The following MYO5B variants were observed in gnomAD, a reference collection of about 807,000 sequenced individuals.
MYO5B encodes the protein myosin VB, also known as unconventional myosin-Vb.
MYO5B carries 143 observed loss-of-function variants against 229.3 expected under a neutral mutation model. The observed-to-expected ratio is 0.62, with a 90% CI of 0.54 to 0.72. The LOEUF (loss-of-function observed/expected upper bound fraction) is 0.72. Among genes scored for constraint, MYO5B ranks in the 30% least tolerant of loss-of-function variants. MYO5B has a pLI of 0.00. For missense variants in MYO5B, 2,321 were observed against 2,331.0 expected (o/e 1.00, Z 0.09); for synonymous variants, 918 against 885.2 (o/e 1.04, Z -0.66).
chr18:50,095,628 A>G (rs2031535710), intron 1 of MYO5B, among the ~76,000 whole-genome samples: 1 of 152,226 alleles, frequency 6.6e-6, no homozygotes, highest in Non-Finnish European at 1.5e-5. Context: ...AGCATGTGTG[A>G]GCCTAGCTGT....
At chr18:50,087,779 T>C (rs11876777) in intron 1 of MYO5B, among the ~76,000 whole-genome samples, 5,753 of 152,002 alleles carry the variant, frequency 0.038, 360 homozygotes, top group African/African-American at 0.13. Context: ...CCAGTTTTGA[T>C]TGATGAGGCA....
intron 2 of MYO5B, among the ~76,000 whole-genome samples, chr18:50,050,096 AC>A (rs1267856224): frequency 6.6e-6 from 1 of 152,224 alleles, no homozygotes; most frequent in Non-Finnish European, 1.5e-5. Context: ...TTGTGTGTGT[AC>A]AATATAACCA....
intron 1 of MYO5B, among the ~76,000 whole-genome samples, chr18:50,185,534 T>C (rs1249357280): frequency 1.3e-5 from 2 of 152,222 alleles, no homozygotes; most frequent in Admixed American, 1.3e-4. Context: ...GATAGGATCT[T>C]GAATGTTTCT....
At chr18:50,045,703 A>G (rs915167648) in intron 2 of MYO5B, among the ~76,000 whole-genome samples, 3 of 152,178 alleles carry the variant, frequency 2.0e-5, no homozygotes, top group Admixed American at 6.6e-5. Context: ...AAGAGTTAAT[A>G]TATTTTCTTT....
At position 50,169,114 on chromosome 18, in the gene MYO5B, G is replaced by A. The variant is rs1345174187; in HGVS notation, c.27+25653C>T. ...TGAGCCCAAGAATTGAGACCATCCT[G>A]GGCAGCATAGGGAGGCCCCATGCCT... On this transcript the variant is annotated intron_variant, in intron 1 of 39. Transcript: ENST00000285039. 1.6e-5 allele frequency among the ~76,000 whole-genome samples: 2 copies of A among 123,144 alleles called. 1 individual carries two copies. Among genetic ancestry groups the A allele is most frequent in the Non-Finnish European group, 3.4e-5 (2 of 58,536 alleles). The allele number at this position is 123,144 out of a possible 152,430, so 80.8% of individuals were successfully genotyped here.
At chr18:50,146,821 G>A (rs1055518439) in intron 1 of MYO5B, among the ~76,000 whole-genome samples, 6 of 152,190 alleles carry the variant, frequency 3.9e-5, no homozygotes, top group African/African-American at 9.7e-5. Context: ...ATTTAGCGTT[G>A]TGTAGACACA....
chr18:50,083,757 C>T (rs1398125871), intron 1 of MYO5B, among the ~76,000 whole-genome samples: 3 of 152,198 alleles, frequency 2.0e-5, no homozygotes, highest in African/African-American at 7.2e-5. Context: ...AGGCCACCTA[C>T]AGCTGGAGTT....
intron 1 of MYO5B, among the ~76,000 whole-genome samples, chr18:50,135,030 TCTAAGATAATGCCCTC>T (rs1006006091): frequency 6.6e-6 from 1 of 152,214 alleles, no homozygotes; most frequent in Non-Finnish European, 1.5e-5. Context: ...AGTGTGTTCC[TCTAAGATAATGCCCTC>T]CACTCTTCCT....
chr18:49,994,525 G>C (rs750040598), intron 5 of MYO5B, among the ~76,000 whole-genome samples: 1 of 152,212 alleles, frequency 6.6e-6, no homozygotes, highest in Non-Finnish European at 1.5e-5. Context: ...TGTAGGGGGA[G>C]AAAGTACAAC....
intron 10 of MYO5B, among the ~76,000 whole-genome samples, chr18:49,964,803 T>C (rs2025603546): frequency 6.6e-6 from 1 of 152,214 alleles, no homozygotes; most frequent in African/African-American, 2.4e-5. Context: ...CTATCATTCA[T>C]TGCTTAACTC....
At chr18:49,865,033 T>C (rs1255543590) in intron 27 of MYO5B, among the ~76,000 whole-genome samples, 1 of 152,200 alleles carries the variant, frequency 6.6e-6, no homozygotes, top group Non-Finnish European at 1.5e-5. Context: ...ACATTTAACT[T>C]TGTGTTTGAG....
chr18:49,906,613 C>T lies in MYO5B; in HGVS notation c.2220G>A (p.Gln740=). 1 of 1,614,016 alleles carries T rather than the reference C, an allele frequency of 6.2e-7. No homozygotes were observed. The part of the protein sequence containing the change: ...ENLIKDPDKF[Q]FGRTKIFFRA... ...GAAAGAAGATCTTGGTGCGGCCAAA[C>T]TGGAACTTGTCGGGGTCCTTTACAA... The change falls in exon 19 of 40, where the codon CAG becomes CAA. Residue 740 remains glutamine, a synonymous_variant. Coordinates refer to ENST00000285039, the MANE Select transcript of MYO5B (RefSeq NM_001080467.3).
At chr18:50,061,107 G>A (rs1226519041) in intron 1 of MYO5B, among the ~76,000 whole-genome samples, 1 of 152,190 alleles carries the variant, frequency 6.6e-6, no homozygotes, top group Non-Finnish European at 1.5e-5. Flanking sequence ...ACAATGTCCA[G>A]AAGAGCACAG....
At chr18:50,016,075 G>A (rs537042832) in intron 4 of MYO5B, among the ~76,000 whole-genome samples, 110 of 152,290 alleles carry the variant, frequency 7.2e-4, no homozygotes, top group African/African-American at 1.7e-3. Flanking sequence ...ACAGGGAAAG[G>A]GCCAAAGATG....
rs2024881404 is a variant in MYO5B, at chr18:49,904,806, T to C, written c.2437A>G (p.Ile813Val). ...ARRLAEHLRR[I>V]RAAVVLQKHY... is the part of the protein sequence containing the mutation. The stretch of plus-strand genomic sequence containing the variant: ...TTCTGGAGCACCACAGCCGCTCTGA[T>C]CCTCCGCAGGTGCTCAGCCAGCCTG... The change falls in exon 20 of 40, where the codon ATC (isoleucine) becomes GTC (valine). Residue 813 changes from isoleucine to valine, a missense_variant. Physicochemically the swap from Ile to Val is conservative, Grantham distance 29 (BLOSUM62 3). Around this residue, in one of 2 missense-constraint regions of MYO5B, gnomAD observed 2,113 missense variants for 2,044.7 expected, o/e 1.03. Coordinates refer to ENST00000285039, the MANE Select transcript of MYO5B (RefSeq NM_001080467.3). 1 of 1,613,754 alleles carries C rather than the reference T, an allele frequency of 6.2e-7. No homozygotes were observed. Among genetic ancestry groups the C allele is most frequent in the Non-Finnish European group, 8.5e-7 (1 of 1,180,020 alleles).
chr18:49,868,748 AC>A (rs1328592381), intron 27 of MYO5B, among the ~76,000 whole-genome samples: 1 of 151,950 alleles, frequency 6.6e-6, no homozygotes, highest in Non-Finnish European at 1.5e-5. Context: ...CTGCAGGGAG[AC>A]CCATCTTCCA....
intron 2 of MYO5B, among the ~76,000 whole-genome samples, chr18:50,047,743 T>C (rs1265534454): frequency 6.6e-6 from 1 of 152,042 alleles, no homozygotes; most frequent in Non-Finnish European, 1.5e-5. Flanking sequence ...ATATACACCA[T>C]GGAATACTAT....
At chr18:49,956,927 G>A (rs2025498829) in intron 12 of MYO5B, among the ~76,000 whole-genome samples, 1 of 152,078 alleles carries the variant, frequency 6.6e-6, no homozygotes, top group Non-Finnish European at 1.5e-5. Context: ...GGGGGGCAAT[G>A]GAGAATAGCT....
chr18:50,150,775 T>C (rs2032586232), intron 1 of MYO5B, among the ~76,000 whole-genome samples: 2 of 152,080 alleles, frequency 1.3e-5, no homozygotes, highest in Admixed American at 6.5e-5. Flanking sequence ...ACGTCACATG[T>C]ATACATATGT....
Sources: gnomAD v4.1 joint callset for allele counts (sites outside exome capture counted in the v4.1 genomes callset) on GRCh38, gnomAD v4.1.1 for gene constraint, gnomAD v4.1.1 regional missense constraint, MANE v1.5 for transcripts, NCBI Gene and HGNC (gene_info 2026-07-23, HGNC 2026-07-21) for gene names.